SIPA1L3: variants seen among roughly 807,000 people sequenced by gnomAD.
SIPA1L3 encodes the protein signal-induced proliferation-associated 1-like protein 3.
In SIPA1L3, 59 loss-of-function variants were observed where a neutral mutation model predicts 150.1. That is an observed-to-expected ratio of 0.39 (90% confidence interval 0.32 to 0.49). SIPA1L3 has a LOEUF of 0.49. Ranked by LOEUF, SIPA1L3 falls within the 20% of genes least tolerant of loss-of-function variation. SIPA1L3 has a pLI of 0.86. For missense variants in SIPA1L3, 2,211 were observed against 2,489.5 expected (o/e 0.89, Z 2.38); for synonymous variants, 1,070 against 1,077.6 (o/e 0.99, Z 0.14).
At chr19:38,125,956 C>T (rs560084872) in intron 9 of SIPA1L3, among the ~76,000 whole-genome samples, 7 of 152,098 alleles carry the variant, frequency 4.6e-5, no homozygotes, top group African/African-American at 1.4e-4. Context: ...GGTGGATCAC[C>T]AGGTCAAGAG....
chr19:38,192,774 A>G (rs1472125776), intron 17 of SIPA1L3, among the ~76,000 whole-genome samples: 6 of 151,998 alleles, frequency 3.9e-5, no homozygotes, highest in East Asian at 3.9e-4. Flanking sequence ...GGCCTGCCCT[A>G]CTCGTCCTCA....
chr19:38,116,801 C>A (rs1458734053), intron 8 of SIPA1L3, among the ~76,000 whole-genome samples: 1 of 152,114 alleles, frequency 6.6e-6, no homozygotes, highest in African/African-American at 2.4e-5. Flanking sequence ...CTGCAGTGAG[C>A]TGAGATCACG....
intron 1 of SIPA1L3, among the ~76,000 whole-genome samples, chr19:37,914,874 A>G (rs1428854138): frequency 6.6e-6 from 1 of 152,146 alleles, no homozygotes; most frequent in African/African-American, 2.4e-5. Flanking sequence ...ATGCTTTTCT[A>G]AGCATTTCAC....
intron 16 of SIPA1L3, chr19:38,185,819 T>G (rs1009348991): frequency 7.9e-5 from 12 of 152,278 alleles, no homozygotes; most frequent in African/African-American, 2.9e-4. Context: ...CTTGATTGCC[T>G]CTGTAAAGAC....
At chr19:38,163,673 G>GC (rs1972143351) in intron 14 of SIPA1L3, among the ~76,000 whole-genome samples, 1 of 151,974 alleles carries the variant, frequency 6.6e-6, no homozygotes, top group Non-Finnish European at 1.5e-5. Context: ...AGCAGCAGGC[G>GC]CAGAGGCCCT....
At chr19:37,978,887 A>T (rs1967135341) in intron 1 of SIPA1L3, among the ~76,000 whole-genome samples, 1 of 152,020 alleles carries the variant, frequency 6.6e-6, no homozygotes, top group African/African-American at 2.4e-5. Flanking sequence ...AGGTGGGAGG[A>T]TCTGCTTGAG....
chr19:38,111,760 C>A (rs1970751718), intron 8 of SIPA1L3, among the ~76,000 whole-genome samples: 1 of 152,234 alleles, frequency 6.6e-6, no homozygotes, highest in Non-Finnish European at 1.5e-5. Context: ...GCCACCTCTC[C>A]CCCTGCCCAT....
At chr19:37,911,820 A>G (rs1326077037) in intron 1 of SIPA1L3, among the ~76,000 whole-genome samples, 1 of 152,070 alleles carries the variant, frequency 6.6e-6, no homozygotes, top group Non-Finnish European at 1.5e-5. Flanking sequence ...TCTTTACCTC[A>G]GCAAACACAC....
intron 7 of SIPA1L3, 85 bp from the exon 8 acceptor site, chr19:38,110,142 G>C (rs911118115): frequency 2.2e-6 from 3 of 1,333,486 alleles, no homozygotes; most frequent in African/African-American, 1.4e-5. Context: ...GGGGGTGGGT[G>C]GGGGGAGCTG....
chr19:38,089,456 A>G (rs187976840), intron 4 of SIPA1L3, among the ~76,000 whole-genome samples: 9 of 152,334 alleles, frequency 5.9e-5, no homozygotes. Flanking sequence ...ACCTGTTTGC[A>G]AGAGATTAGC....
At chr19:38,196,355 TGGAGCAAGGAGGCCAAGGGC>T (rs1972934407) in intron 18 of SIPA1L3, among the ~76,000 whole-genome samples, 1 of 66,068 alleles carries the variant, frequency 1.5e-5, no homozygotes, top group Non-Finnish European at 3.4e-5. Context: ...AGGTCAAGGG[TGGAGCAAGGAGGCCAAGGGC>T]GGAGCATGGA....
intron 1 of SIPA1L3, among the ~76,000 whole-genome samples, chr19:37,993,337 A>G (rs185764504): frequency 6.6e-6 from 1 of 152,002 alleles, no homozygotes; most frequent in Non-Finnish European, 1.5e-5. Context: ...TATTATTATT[A>G]TTATTATTTT....
chr19:38,003,089 T>G (rs1437110231), intron 1 of SIPA1L3, among the ~76,000 whole-genome samples: 3 of 152,128 alleles, frequency 2.0e-5, no homozygotes, highest in African/African-American at 7.2e-5. Flanking sequence ...GAGGTTGCAG[T>G]GAGCCGAGTT....
At chr19:38,123,402 G>C (rs1223919264) in intron 9 of SIPA1L3, among the ~76,000 whole-genome samples, 1 of 149,844 alleles carries the variant, frequency 6.7e-6, no homozygotes, top group African/African-American at 2.5e-5. Context: ...CCTAGGCAGA[G>C]GACCCTGCGG....
intron 1 of SIPA1L3, among the ~76,000 whole-genome samples, chr19:37,987,600 A>C (rs1353786115): frequency 6.6e-6 from 1 of 152,172 alleles, no homozygotes; most frequent in Non-Finnish European, 1.5e-5. Context: ...CCTGGAATAG[A>C]GGTGGGGCAG....
chr19:38,126,367 T>C (rs1004995474), intron 9 of SIPA1L3, among the ~76,000 whole-genome samples: 2 of 152,146 alleles, frequency 1.3e-5, no homozygotes, highest in South Asian at 2.1e-4. Context: ...TACCACAGTT[T>C]AACATTTAGA....
intron 8 of SIPA1L3, among the ~76,000 whole-genome samples, chr19:38,111,364 T>C (rs1352484059): frequency 2.6e-5 from 4 of 152,104 alleles, no homozygotes. Context: ...TGAAGTGCTT[T>C]TTGTTCTTTC....
intron 3 of SIPA1L3, among the ~76,000 whole-genome samples, chr19:38,083,490 G>A (rs1444274733): frequency 6.6e-6 from 1 of 151,808 alleles, no homozygotes; most frequent in Non-Finnish European, 1.5e-5. Context: ...GGATAAATAC[G>A]AAAAATACAC....
intron 2 of SIPA1L3, among the ~76,000 whole-genome samples, chr19:38,071,261 CTAT>C: frequency 6.6e-6 from 1 of 151,748 alleles, no homozygotes; most frequent in Non-Finnish European, 1.5e-5. Context: ...ATCTATCTAT[CTAT>C]CTGCCTGCCT....
Sources: allele counts gnomAD v4.1 joint callset (sites outside exome capture counted in the v4.1 genomes callset), GRCh38; gene constraint gnomAD v4.1.1; transcripts MANE v1.5; gene names NCBI Gene and HGNC (gene_info 2026-07-23, HGNC 2026-07-21).